CSRNP3: variants seen among roughly 807,000 people sequenced by gnomAD.
CSRNP3 encodes cysteine and serine rich nuclear protein 3, also known as cysteine/serine-rich nuclear protein 3.
In CSRNP3, 12 loss-of-function variants were observed where a neutral mutation model predicts 48.0. The ratio of observed to expected loss-of-function variants is 0.25; its 90% CI spans 0.16 to 0.41. The LOEUF is 0.41. Among genes scored for constraint, CSRNP3 ranks in the 10% least tolerant of loss-of-function variants. CSRNP3 has a pLI of 1.00. For missense variants in CSRNP3, 580 were observed against 724.4 expected (o/e 0.80, Z 2.29); for synonymous variants, 263 against 269.7 (o/e 0.98, Z 0.24).
At chr2:165,477,702 C>A (rs1683983898) in intron 1 of CSRNP3, among the ~76,000 whole-genome samples, 1 of 141,502 alleles carries the variant, frequency 7.1e-6, no homozygotes, top group African/African-American at 2.6e-5. Context: ...GTAGGCCAGG[C>A]ATGGTGGCTC....
intron 5 of CSRNP3, among the ~76,000 whole-genome samples, chr2:165,667,077 GA>G (rs1687243040): frequency 3.3e-5 from 2 of 60,420 alleles, no homozygotes; most frequent in Non-Finnish European, 8.0e-5. Flanking sequence ...GAAAGAGAGA[GA>G]GAAAGAAAGA....
At chr2:165,509,123 C>T (rs1021667270) in intron 2 of CSRNP3, among the ~76,000 whole-genome samples, 3 of 152,078 alleles carry the variant, frequency 2.0e-5, no homozygotes, top group African/African-American at 7.2e-5. Flanking sequence ...AAAGCCCCTC[C>T]CCTCATGATG....
intron 4 of CSRNP3, among the ~76,000 whole-genome samples, chr2:165,636,224 C>T (rs1686625775): frequency 6.6e-6 from 1 of 152,118 alleles, no homozygotes; most frequent in African/African-American, 2.4e-5. Flanking sequence ...AGATTGGTAA[C>T]TTACACAGAA....
At chr2:165,497,924 G>A (rs1037856701) in intron 2 of CSRNP3, among the ~76,000 whole-genome samples, 2 of 152,058 alleles carry the variant, frequency 1.3e-5, no homozygotes, top group Non-Finnish European at 2.9e-5. Flanking sequence ...TAAATAGAAT[G>A]AATCTATCTT....
chr2:165,603,175 G>A (rs1256883715), intron 4 of CSRNP3, among the ~76,000 whole-genome samples: 1 of 151,998 alleles, frequency 6.6e-6, no homozygotes, highest in Non-Finnish European at 1.5e-5. Context: ...GATTACAGGC[G>A]TGAGCCACCG....
At chr2:165,588,984 TTAAA>T (rs1387500003) in intron 3 of CSRNP3, among the ~76,000 whole-genome samples, 3 of 152,120 alleles carry the variant, frequency 2.0e-5, no homozygotes, top group Non-Finnish European at 2.9e-5. Flanking sequence ...AATAAATAAA[TTAAA>T]TAAAGCCAAT....
chr2:165,507,923 C>G (rs1684450212), intron 2 of CSRNP3, among the ~76,000 whole-genome samples: 1 of 152,004 alleles, frequency 6.6e-6, no homozygotes, highest in South Asian at 2.1e-4. Context: ...CCCTAGCAAC[C>G]ATTCAAGAGC....
chr2:165,519,933 T>G (rs991944080), intron 3 of CSRNP3, among the ~76,000 whole-genome samples: 14 of 152,278 alleles, frequency 9.2e-5, no homozygotes, highest in Non-Finnish European at 1.8e-4. Flanking sequence ...AAGAGATAGA[T>G]GTCACTTCTG....
At position 165,591,698 on chromosome 2, in the gene CSRNP3, G is replaced by A. The variant is rs1029372653; in HGVS notation, c.-23-3345G>A. Among the ~76,000 whole-genome samples, 30 of 152,214 alleles carry A rather than the reference G, an allele frequency of 2.0e-4. 1 individual carries two copies. Among genetic ancestry groups the A allele is most frequent in the African/African-American group, 7.2e-4 (30 of 41,452 alleles). On this transcript the variant is annotated intron_variant, in intron 3 of 6. Coordinates refer to ENST00000651982, the MANE Select transcript of CSRNP3 (RefSeq NM_001172173.2). ...TTATTTTAGAAGGTGCAAGCCCAAA[G>A]CCATGGTGGTTTCCACATGGTGTTG...
intron 3 of CSRNP3, among the ~76,000 whole-genome samples, chr2:165,528,479 T>C (rs965925667): frequency 1.3e-5 from 2 of 152,172 alleles, no homozygotes; most frequent in African/African-American, 4.8e-5. Flanking sequence ...CTTTAATCCA[T>C]TTTGAGTTGA....
At chr2:165,504,567 C>T (rs1684399346) in intron 2 of CSRNP3, among the ~76,000 whole-genome samples, 1 of 151,994 alleles carries the variant, frequency 6.6e-6, no homozygotes, top group Non-Finnish European at 1.5e-5. Context: ...AAACTGTTTT[C>T]AAAATCTTTA....
chr2:165,606,018 C>T (rs1686004862), intron 4 of CSRNP3, among the ~76,000 whole-genome samples: 1 of 151,832 alleles, frequency 6.6e-6, no homozygotes, highest in African/African-American at 2.4e-5. Context: ...AGAGTCTGTT[C>T]CAGTAAATGG....
intron 1 of CSRNP3, among the ~76,000 whole-genome samples, chr2:165,492,402 C>T (rs1684225693): frequency 6.6e-6 from 1 of 152,044 alleles, no homozygotes; most frequent in Non-Finnish European, 1.5e-5. Flanking sequence ...CTTGTCTGAC[C>T]TTATCACCCA....
chr2:165,606,780 T>C (rs1686036348), intron 4 of CSRNP3, among the ~76,000 whole-genome samples: 1 of 152,162 alleles, frequency 6.6e-6, no homozygotes, highest in Non-Finnish European at 1.5e-5. Flanking sequence ...TATACAAGTT[T>C]CAAAACTCTA....
intron 4 of CSRNP3, among the ~76,000 whole-genome samples, chr2:165,602,111 T>C (rs1685925349): frequency 6.6e-6 from 1 of 152,096 alleles, no homozygotes; most frequent in South Asian, 2.1e-4. Flanking sequence ...CCTGACTCAA[T>C]GCTTTTGTAA....
intron 4 of CSRNP3, among the ~76,000 whole-genome samples, chr2:165,617,403 A>T (rs956290829): frequency 1.3e-5 from 2 of 151,516 alleles, no homozygotes; most frequent in Admixed American, 1.3e-4. Flanking sequence ...CCTAGTGTCC[A>T]TATGATTTCC....
intron 4 of CSRNP3, among the ~76,000 whole-genome samples, chr2:165,607,140 C>T (rs1006809699): frequency 3.3e-5 from 5 of 152,122 alleles, no homozygotes; most frequent in Non-Finnish European, 5.9e-5. Context: ...TTCCTTACCA[C>T]GCCTTCGTGC....
intron 4 of CSRNP3, among the ~76,000 whole-genome samples, chr2:165,626,458 G>A (rs1178864517): frequency 6.6e-6 from 1 of 152,160 alleles, no homozygotes; most frequent in Non-Finnish European, 1.5e-5. Flanking sequence ...CCGTGTATAT[G>A]GATTGGTGTA....
At chr2:165,491,974 T>TAAAA (rs1684218126) in intron 1 of CSRNP3, among the ~76,000 whole-genome samples, 1 of 133,910 alleles carries the variant, frequency 7.5e-6, no homozygotes, top group Non-Finnish European at 1.7e-5. Flanking sequence ...AAAACAAAGC[T>TAAAA]AGAAACCAGA....
Sources: allele counts gnomAD v4.1 joint callset (sites outside exome capture counted in the v4.1 genomes callset), GRCh38; gene constraint gnomAD v4.1.1; transcripts MANE v1.5; gene names NCBI Gene and HGNC (gene_info 2026-07-23, HGNC 2026-07-21).